IQSEC1: variants seen among roughly 807,000 people sequenced by gnomAD.
IQSEC1 encodes the protein IQ motif and Sec7 domain ArfGEF 1.
Under a neutral mutation model 91.0 loss-of-function variants are expected in IQSEC1, and 31 were observed. The ratio of observed to expected loss-of-function variants is 0.34; its 90% CI spans 0.26 to 0.46. The LOEUF (loss-of-function observed/expected upper bound fraction) is 0.46, where lower values mean the gene tolerates loss of function less well. IQSEC1 is among the 20% of genes least tolerant of loss of function. The pLI, the probability that IQSEC1 is intolerant of heterozygous loss-of-function variation, is 1.00. For synonymous variants in IQSEC1, 699 were observed against 662.6 expected (o/e 1.05, Z -0.84); for missense variants, 1,388 against 1,575.6 (o/e 0.88, Z 2.02).
At chr3:13,057,328 C>T (rs960764468) in intron 1 of IQSEC1, among the ~76,000 whole-genome samples, 42 of 152,320 alleles carry the variant, frequency 2.8e-4, no homozygotes, top group African/African-American at 9.6e-4. Context: ...CAGCGTATAC[C>T]TGCTGGGTGC....
chr3:12,911,786 G>A (rs1695585072), intron 9 of IQSEC1, 58 bp from the exon 10 acceptor site: 1 of 1,186,486 alleles, frequency 8.4e-7, no homozygotes, highest in Non-Finnish European at 1.2e-6. Context: ...CTGACTATGT[G>A]GGACCTCTGG....
chr3:13,142,460 C>T (rs961949044), intron 2 of IQSEC1, among the ~76,000 whole-genome samples: 2 of 152,186 alleles, frequency 1.3e-5, no homozygotes, highest in African/African-American at 4.8e-5. Context: ...ATGTTGGATC[C>T]CGCACAGGTG....
rs145412761 is a variant in IQSEC1 at position 13,193,898 on chromosome 3, G to A, written c.273-29765C>T. ...GACAAGGACCATGCCCTGGGGCTTC[G>A]GCCACAGACCAAGCTTGGTTTCCTC... On this transcript the variant is annotated intron_variant, in intron 1 of 15. Coordinates refer to the IQSEC1 transcript ENST00000648114. This position sits in a 1 kb window ranked among gnomAD's most constrained non-coding sequence, Gnocchi z 4.2. Among the ~76,000 whole-genome samples, 349 of 152,298 alleles carry A rather than the reference G, an allele frequency of 2.3e-3. No homozygotes were observed. The highest frequency in any genetic ancestry group is 2.7e-3 in the Non-Finnish European group (182 of 68,030).
chr3:13,109,672 C>T (rs11926963), intron 2 of IQSEC1, among the ~76,000 whole-genome samples: 32,120 of 151,840 alleles, frequency 0.21, 3,448 homozygotes, highest in South Asian at 0.31. Flanking sequence ...CTCTCCTCCC[C>T]TGCCCTTTCT....
Position 12,936,655 on chromosome 3 carries a change from G to C in IQSEC1, c.361C>G (p.Arg121Gly), listed in dbSNP as rs774526868. The change falls in exon 3 of 14, where the codon CGC becomes GGC. Residue 121 changes from arginine (R) to glycine (G), a missense_variant. Around this residue, in one of 2 missense-constraint regions of IQSEC1, gnomAD observed 1,059 missense variants for 1,317.8 expected, o/e 0.80. Transcript: ENST00000613206. ...GTCTGGATGGTGCGGGCCGCATGGCGGGTTACCAGGCGCCCCCCATACTTT... is the reference window on the plus strand; with the variant it reads ...GTCTGGATGGTGCGGGCCGCATGGCCGGTTACCAGGCGCCCCCCATACTTT... ...ERKYGGRLVT[R>G]HAARTIQTAF... is the part of the protein sequence containing the mutation. 3 of 1,601,688 alleles carry C rather than the reference G, an allele frequency of 1.9e-6. No homozygotes were observed. The highest frequency in any genetic ancestry group is 2.6e-6 in the Non-Finnish European group (3 of 1,174,182).
intron 2 of IQSEC1, among the ~76,000 whole-genome samples, chr3:13,086,006 G>A (rs760067328): frequency 6.6e-6 from 1 of 152,222 alleles, no homozygotes; most frequent in Non-Finnish European, 1.5e-5. Flanking sequence ...AGTCTGGCTG[G>A]TAACTTGGGC....
rs551572600 is a variant in IQSEC1 at position 13,263,603 on chromosome 3, C to T, written c.272+19108G>A. Reference sequence around the variant, plus strand: ...GATTGCAGGCACGCGCCACCACGCCCGACTAATTTTTTGTATTTTTAGTAG... The same window carrying T: ...GATTGCAGGCACGCGCCACCACGCCTGACTAATTTTTTGTATTTTTAGTAG... On this transcript the variant is annotated intron_variant, in intron 1 of 15. Coordinates refer to the IQSEC1 transcript ENST00000648114. Among the ~76,000 whole-genome samples, 6 of 152,152 alleles carry T rather than the reference C, an allele frequency of 3.9e-5. No homozygotes were observed. The South Asian group carries it at 1.0e-3, about 26-fold the overall frequency.
chr3:13,204,309 G>A (rs985206283), intron 1 of IQSEC1, among the ~76,000 whole-genome samples: 3 of 152,278 alleles, frequency 2.0e-5, no homozygotes, highest in Non-Finnish European at 4.4e-5. Context: ...GAGCGCTGGT[G>A]CCCACTGACT....
intron 1 of IQSEC1, among the ~76,000 whole-genome samples, chr3:13,245,420 GA>G (rs1212421484): frequency 6.6e-6 from 1 of 152,020 alleles, no homozygotes. Context: ...TCAAGGGGTG[GA>G]AAAAAGGGCT....
intron 2 of IQSEC1, among the ~76,000 whole-genome samples, chr3:13,106,189 G>A (rs1706148835): frequency 6.6e-6 from 1 of 152,092 alleles, no homozygotes; most frequent in Non-Finnish European, 1.5e-5. Flanking sequence ...CATAATCTCA[G>A]CCTGGGAAAG....
At chr3:12,962,362 C>T (rs1388857105) in intron 1 of IQSEC1, among the ~76,000 whole-genome samples, 6 of 152,234 alleles carry the variant, frequency 3.9e-5, no homozygotes, top group Non-Finnish European at 7.3e-5. Context: ...CCACTGGCTT[C>T]TGTAAATGGC....
intron 6 of IQSEC1, among the ~76,000 whole-genome samples, chr3:12,919,492 C>T (rs935543895): frequency 6.6e-5 from 10 of 152,154 alleles, no homozygotes; most frequent in African/African-American, 1.9e-4. Context: ...CTGGAGACCC[C>T]GGAGTAGAGC....
At chr3:12,993,098 G>T (rs888900214) in intron 1 of IQSEC1, among the ~76,000 whole-genome samples, 2 of 152,128 alleles carry the variant, frequency 1.3e-5, no homozygotes, top group Non-Finnish European at 2.9e-5. Context: ...TCCCCCTGCT[G>T]CCACCTGCCC....
chr3:13,118,303 T>G (rs892703806), intron 2 of IQSEC1, among the ~76,000 whole-genome samples: 2 of 152,226 alleles, frequency 1.3e-5, no homozygotes, highest in African/African-American at 2.4e-5. Flanking sequence ...GCAATTCTAC[T>G]TCTGGGTATA....
chr3:13,217,022 GA>G (rs1413768558), intron 1 of IQSEC1, among the ~76,000 whole-genome samples: 1 of 152,114 alleles, frequency 6.6e-6, no homozygotes, highest in Non-Finnish European at 1.5e-5. Context: ...TTGCCATGGA[GA>G]AGAGCCCTGA....
chr3:13,164,977 C>T (rs185453437), intron 1 of IQSEC1, among the ~76,000 whole-genome samples: 6 of 152,308 alleles, frequency 3.9e-5, no homozygotes, highest in Admixed American at 2.0e-4. Flanking sequence ...TTTTCAGTAA[C>T]GTTCCAGAAC....
intron 2 of IQSEC1, among the ~76,000 whole-genome samples, chr3:13,131,067 G>GGAAGGAAGGAA (rs1559261253): frequency 1.2e-4 from 10 of 80,446 alleles, no homozygotes; most frequent in African/African-American, 4.5e-4. Context: ...GAAGGAAGGA[G>GGAAGGAAGGAA]GGAGGGAAGG....
chr3:13,108,984 G>C (rs1706197392), intron 2 of IQSEC1, among the ~76,000 whole-genome samples: 1 of 152,214 alleles, frequency 6.6e-6, no homozygotes, highest in South Asian at 2.1e-4. Context: ...ACAAGTTCAG[G>C]CATCACATGG....
At chr3:13,011,971 C>G (rs1215034237) in intron 1 of IQSEC1, among the ~76,000 whole-genome samples, 4 of 152,184 alleles carry the variant, frequency 2.6e-5, no homozygotes, top group Admixed American at 6.5e-5. Flanking sequence ...GTGGTTTGTT[C>G]CAGCACCTGA....
Sources: gnomAD v4.1 joint callset for allele counts (sites outside exome capture counted in the v4.1 genomes callset) on GRCh38, gnomAD v4.1.1 for gene constraint, gnomAD v4.1.1 regional missense constraint, Gnocchi (gnomAD v3.1) non-coding constraint, MANE v1.5 for transcripts, NCBI Gene and HGNC (gene_info 2026-07-23, HGNC 2026-07-21) for gene names.